The following SPOCK1 variants were observed in gnomAD, a reference collection of about 807,000 sequenced individuals.
SPOCK1 encodes testican-1.
Under a neutral mutation model 55.3 loss-of-function variants are expected in SPOCK1, and 23 were observed. The observed-to-expected ratio is 0.42, with a 90% CI of 0.30 to 0.59. SPOCK1 has a LOEUF of 0.59. Among genes scored for constraint, SPOCK1 ranks in the 20% least tolerant of loss-of-function variants. The pLI is 0.22. For synonymous variants in SPOCK1, 226 were observed against 221.0 expected, an observed-to-expected ratio of 1.02 and a Z score of -0.20; for missense variants, 499 against 552.5, an observed-to-expected ratio of 0.90 and a Z score of 0.97.
At chr5:137,090,502 A>C (rs1312284199) in intron 5 of SPOCK1, among the ~76,000 whole-genome samples, 1 of 152,214 alleles carries the variant, frequency 6.6e-6, no homozygotes, top group East Asian at 1.9e-4. Context: ...CCCAGCCAGC[A>C]TAAGTTAAGA....
chr5:137,143,676 CT>C (rs1409836491), intron 3 of SPOCK1, among the ~76,000 whole-genome samples: 1 of 152,138 alleles, frequency 6.6e-6, no homozygotes, highest in East Asian at 1.9e-4. Flanking sequence ...TTGTGTTTGT[CT>C]TTTTTCCCAG....
At chr5:137,140,447 A>G (rs1754072524) in intron 4 of SPOCK1, 133 bp downstream of exon 4, 2 of 640,080 alleles carry the variant, frequency 3.1e-6, no homozygotes, top group East Asian at 5.7e-5. Context: ...TACAGGCACC[A>G]AACACCATAC....
intron 3 of SPOCK1, among the ~76,000 whole-genome samples, chr5:137,185,969 G>C (rs185106983): frequency 2.0e-5 from 3 of 152,200 alleles, no homozygotes; most frequent in Non-Finnish European, 4.4e-5. Context: ...GGGCAGAAGC[G>C]GGAAAGGCAG....
At chr5:137,261,361 C>T (rs1756739221) in intron 3 of SPOCK1, among the ~76,000 whole-genome samples, 1 of 152,144 alleles carries the variant, frequency 6.6e-6, no homozygotes, top group Non-Finnish European at 1.5e-5. Flanking sequence ...TGTGATAATC[C>T]ACTGGGCTGG....
intron 2 of SPOCK1, among the ~76,000 whole-genome samples, chr5:137,350,866 G>C (rs957521224): frequency 3.3e-5 from 5 of 152,144 alleles, no homozygotes; most frequent in South Asian, 2.1e-4. Context: ...AGTGGGCATG[G>C]AAGTACTACT....
intron 2 of SPOCK1, among the ~76,000 whole-genome samples, chr5:137,424,829 G>T (rs988855388): frequency 6.6e-6 from 1 of 152,146 alleles, no homozygotes; most frequent in African/African-American, 2.4e-5. Context: ...GGGACTGAGG[G>T]ACTGAGTATA....
intron 3 of SPOCK1, among the ~76,000 whole-genome samples, chr5:137,205,135 G>C (rs1259047106): frequency 2.0e-5 from 3 of 152,278 alleles, no homozygotes; most frequent in Admixed American, 6.5e-5. Context: ...CTAGACTATA[G>C]GCTTCACAAG....
chr5:137,061,403 C>G (rs1752391601), intron 6 of SPOCK1, among the ~76,000 whole-genome samples: 1 of 152,196 alleles, frequency 6.6e-6, no homozygotes, highest in South Asian at 2.1e-4. Flanking sequence ...CCCCCAGAAT[C>G]TAGCCCTCGG....
chr5:137,387,037 C>T (rs909924748), intron 2 of SPOCK1, among the ~76,000 whole-genome samples: 2 of 152,080 alleles, frequency 1.3e-5, no homozygotes, highest in Non-Finnish European at 2.9e-5. Flanking sequence ...ATACAGGTGG[C>T]AAATAAGCCT....
chr5:137,226,913 C>A (rs371554686), intron 3 of SPOCK1, among the ~76,000 whole-genome samples: 1 of 152,058 alleles, frequency 6.6e-6, no homozygotes, highest in South Asian at 2.1e-4. Flanking sequence ...TAATAAAGTA[C>A]CTAATAAAAA....
intron 2 of SPOCK1, among the ~76,000 whole-genome samples, chr5:137,430,140 GTGTGTTCAACA>G (rs1269138565): frequency 6.6e-6 from 1 of 152,226 alleles, no homozygotes; most frequent in Admixed American, 6.5e-5. Context: ...CTACACAGAG[GTGTGTTCAACA>G]TTCTAGCACA....
chr5:137,173,457 T>C (rs939578163), intron 3 of SPOCK1, among the ~76,000 whole-genome samples: 2 of 152,182 alleles, frequency 1.3e-5, no homozygotes, highest in African/African-American at 4.8e-5. Flanking sequence ...GAATTGTTTG[T>C]TGAAATAGAG....
intron 2 of SPOCK1, among the ~76,000 whole-genome samples, chr5:137,395,087 C>T (rs1751814039): frequency 6.6e-6 from 1 of 152,194 alleles, no homozygotes; most frequent in Non-Finnish European, 1.5e-5. Context: ...GTCTTCTCTT[C>T]CTTGTAGGCT....
intron 2 of SPOCK1, 70 bp downstream of exon 2, chr5:137,498,300 ACCC>A: frequency 7.8e-7 from 1 of 1,273,894 alleles, no homozygotes; most frequent in Non-Finnish European, 1.0e-6. Flanking sequence ...ACACACACAC[ACCC>A]CAACCCCGCT....
At chr5:137,409,292 A>G (rs1752162983) in intron 2 of SPOCK1, among the ~76,000 whole-genome samples, 1 of 152,232 alleles carries the variant, frequency 6.6e-6, no homozygotes, top group African/African-American at 2.4e-5. Flanking sequence ...TAGGAGACAT[A>G]AGCTTCATAA....
chr5:137,283,349 G>A (rs958101105), intron 2 of SPOCK1, among the ~76,000 whole-genome samples: 1 of 152,166 alleles, frequency 6.6e-6, no homozygotes, highest in South Asian at 2.1e-4. Context: ...TTCTACTAGG[G>A]TGTCTGCCTC....
At chr5:137,179,182 C>T (rs1260221906) in intron 3 of SPOCK1, among the ~76,000 whole-genome samples, 1 of 152,192 alleles carries the variant, frequency 6.6e-6, no homozygotes, top group African/African-American at 2.4e-5. Flanking sequence ...AGAACCACAT[C>T]TATAGTGGTT....
chr5:137,138,494 CACACAAACAT>C (rs1032645778), intron 4 of SPOCK1, among the ~76,000 whole-genome samples: 16 of 85,018 alleles, frequency 1.9e-4, no homozygotes, highest in African/African-American at 7.0e-4. Flanking sequence ...CCATCTTACA[CACACAAACAT>C]ACACACACAC....
intron 3 of SPOCK1, among the ~76,000 whole-genome samples, chr5:137,204,973 C>A (rs1755493773): frequency 6.6e-6 from 1 of 152,212 alleles, no homozygotes; most frequent in Admixed American, 6.5e-5. Flanking sequence ...CCCTCTTTGT[C>A]AAGATCCAGC....
Sources: gnomAD v4.1 joint callset for allele counts (sites outside exome capture counted in the v4.1 genomes callset) on GRCh38, gnomAD v4.1.1 for gene constraint, MANE v1.5 for transcripts, NCBI Gene and HGNC (gene_info 2026-07-23, HGNC 2026-07-21) for gene names.